Variants in SYT16 observed in about 807,000 individuals in gnomAD.
SYT16 encodes synaptotagmin 16, also known as synaptotagmin-16.
A neutral mutation model predicts 61.4 loss-of-function variants in SYT16; 42 were observed. The observed-to-expected ratio is 0.68, with a 90% CI of 0.53 to 0.89. The LOEUF (loss-of-function observed/expected upper bound fraction) is 0.89. SYT16 is among the 40% of genes least tolerant of loss of function. The probability of loss-of-function intolerance (pLI) is 0.00; values close to 1 mark genes in which losing one functional copy is unlikely to be tolerated. For synonymous variants in SYT16, 314 were observed against 302.3 expected, an observed-to-expected ratio of 1.04 and a Z score of -0.40; for missense variants, 804 against 807.3, an observed-to-expected ratio of 1.00 and a Z score of 0.05.
At chr14:61,982,995 A>G (rs2052150614) in intron 2 of SYT16, among the ~76,000 whole-genome samples, 3 of 152,192 alleles carry the variant, frequency 2.0e-5, no homozygotes. Flanking sequence ...AATATTTATT[A>G]CACTTTAAAG....
chr14:62,067,174 C>A (rs1566815114), intron 3 of SYT16, among the ~76,000 whole-genome samples: 1 of 152,132 alleles, frequency 6.6e-6, no homozygotes, highest in East Asian at 1.9e-4. Context: ...TGGGTATTCA[C>A]CAAGTCATTC....
At chr14:61,833,351 G>T (rs2046004244) in intron 1 of SYT16, among the ~76,000 whole-genome samples, 1 of 147,578 alleles carries the variant, frequency 6.8e-6, no homozygotes, top group African/African-American at 2.5e-5. Context: ...GGAGTGCGAT[G>T]GCTCGATCTC....
intron 5 of SYT16, among the ~76,000 whole-genome samples, chr14:62,075,926 T>C (rs1187751003): frequency 6.6e-6 from 1 of 152,214 alleles, no homozygotes; most frequent in Non-Finnish European, 1.5e-5. Context: ...ATACAAAATA[T>C]ATTTTGTGCC....
chr14:62,027,728 G>T (rs575893074), intron 3 of SYT16, among the ~76,000 whole-genome samples: 15 of 152,256 alleles, frequency 9.9e-5, no homozygotes, highest in African/African-American at 3.6e-4. Context: ...TCTTTGACCT[G>T]CCCATTGAAT....
intron 3 of SYT16, among the ~76,000 whole-genome samples, chr14:62,029,222 C>G (rs574243499): frequency 3.3e-5 from 5 of 152,246 alleles, no homozygotes; most frequent in East Asian, 1.9e-4. Flanking sequence ...TCTGCCTCCC[C>G]GGTTCAAGTG....
intron 1 of SYT16, among the ~76,000 whole-genome samples, chr14:61,888,170 T>G (rs1160249381): frequency 2.0e-5 from 3 of 150,568 alleles, no homozygotes; most frequent in Non-Finnish European, 4.4e-5. Flanking sequence ...TGTCACCCAG[T>G]GCAGTGGCGT....
At chr14:62,039,836 C>T (rs986507024) in intron 3 of SYT16, among the ~76,000 whole-genome samples, 1 of 59,300 alleles carries the variant, frequency 1.7e-5, no homozygotes, top group African/African-American at 1.1e-4. Flanking sequence ...CTTAAGCATA[C>T]ACACACACAC....
intron 1 of SYT16, among the ~76,000 whole-genome samples, chr14:61,838,796 C>G (rs1211846605): frequency 1.3e-5 from 2 of 152,124 alleles, no homozygotes; most frequent in Non-Finnish European, 2.9e-5. Context: ...GGGAAAAATA[C>G]TGATAGTAGC....
At position 62,076,830 on chromosome 14, in the gene SYT16, G is replaced by C. The variant is rs573810330; in HGVS notation, c.993+1439G>C. 1.4e-4 allele frequency among the ~76,000 whole-genome samples: 22 copies of C among 152,318 alleles called. No homozygotes were observed. The South Asian group carries it at 4.4e-3, about 30-fold the overall frequency. ...GATACTCTGTCTCCTTGGTGATTGT[G>C]CCATGAGGCTTGGAAGTGACTTCTC... is the stretch of plus-strand genomic sequence containing the variant. On this transcript the variant is annotated intron_variant, in intron 5 of 7. Transcript: ENST00000683842.
intron 1 of SYT16, among the ~76,000 whole-genome samples, chr14:61,944,316 AT>A (rs1594973479): frequency 2.6e-5 from 4 of 152,342 alleles, no homozygotes; most frequent in Admixed American, 6.5e-5. Flanking sequence ...GCCCAAAGTA[AT>A]TTGTAGATTC....
chr14:61,818,406 G>A (rs987520936), intron 1 of SYT16, among the ~76,000 whole-genome samples: 6 of 152,252 alleles, frequency 3.9e-5, no homozygotes, highest in South Asian at 2.1e-4. Flanking sequence ...GCAGCCAGGC[G>A]CGGTGGCTCA....
chr14:61,889,364 A>T (rs1417226838), intron 1 of SYT16, among the ~76,000 whole-genome samples: 3 of 152,180 alleles, frequency 2.0e-5, no homozygotes, highest in African/African-American at 7.2e-5. Flanking sequence ...CCCTAAACTG[A>T]CTGCTATAGT....
chr14:61,916,859 T>C (rs1242545044), intron 1 of SYT16, among the ~76,000 whole-genome samples: 1 of 152,184 alleles, frequency 6.6e-6, no homozygotes, highest in Non-Finnish European at 1.5e-5. Context: ...TTTCTTTGGC[T>C]GGCTTATTTC....
chr14:62,082,639 G>A (rs911117668), intron 6 of SYT16, among the ~76,000 whole-genome samples: 1 of 152,168 alleles, frequency 6.6e-6, no homozygotes, highest in African/African-American at 2.4e-5. Context: ...TCTCAGCTCT[G>A]CTCAGATCTC....
chr14:61,849,333 C>G (rs780037400), intron 1 of SYT16, among the ~76,000 whole-genome samples: 2 of 152,306 alleles, frequency 1.3e-5, no homozygotes, highest in East Asian at 3.9e-4. Flanking sequence ...CAGTGTCTCG[C>G]TGGGTCATGT....
intron 5 of SYT16, among the ~76,000 whole-genome samples, chr14:62,076,517 G>C (rs1234782717): frequency 6.6e-6 from 1 of 151,858 alleles, no homozygotes; most frequent in African/African-American, 2.4e-5. Context: ...TGTGTAGGTA[G>C]TATCTAAGGA....
chr14:62,094,936 T>C (rs1256440362), intron 7 of SYT16, among the ~76,000 whole-genome samples: 2 of 152,042 alleles, frequency 1.3e-5, no homozygotes, highest in Non-Finnish European at 2.9e-5. Flanking sequence ...TCCATTGTCA[T>C]CTTCTAATGC....
chr14:62,051,081 G>GAGGC (rs2055264854), intron 3 of SYT16, among the ~76,000 whole-genome samples: 1 of 152,246 alleles, frequency 6.6e-6, no homozygotes, highest in South Asian at 2.1e-4. Flanking sequence ...GGAGCCTACA[G>GAGGC]AGGCAGGCAG....
intron 1 of SYT16, among the ~76,000 whole-genome samples, chr14:61,898,606 T>C (rs936884511): frequency 6.6e-6 from 1 of 152,188 alleles, no homozygotes; most frequent in African/African-American, 2.4e-5. Context: ...TCTGTGCACA[T>C]TGGAACTGTA....
Sources: gnomAD v4.1 joint callset for allele counts (sites outside exome capture counted in the v4.1 genomes callset) on GRCh38, gnomAD v4.1.1 for gene constraint, MANE v1.5 for transcripts, NCBI Gene and HGNC (gene_info 2026-07-23, HGNC 2026-07-21) for gene names.